KCTD16: variants seen among roughly 807,000 people sequenced by gnomAD.
The protein encoded by KCTD16 is potassium channel tetramerization domain containing 16, also known as BTB/POZ domain-containing protein KCTD16.
KCTD16 carries 13 observed loss-of-function variants against 33.2 expected under a neutral mutation model. That is an observed-to-expected ratio of 0.39 (90% confidence interval 0.25 to 0.62). The LOEUF (loss-of-function observed/expected upper bound fraction) is 0.62, where lower values mean the gene tolerates loss of function less well. KCTD16 is among the 20% of genes least tolerant of loss of function. The pLI is 0.50. For missense variants in KCTD16, 441 were observed against 525.1 expected (o/e 0.84, Z 1.57); for synonymous variants, 197 against 195.3 (o/e 1.01, Z -0.07).
chr5:144,371,796 C>T lies in KCTD16; in HGVS notation c.833-101864C>T, dbSNP rs569219441. Among the ~76,000 whole-genome samples the T allele has an allele frequency of 2.0e-5, 3 of 152,050 alleles. No homozygotes were observed. In the East Asian group the frequency reaches 5.8e-4, roughly 29 times the overall value. Reference sequence around the variant, plus strand: ...ATCAAAAACACTTCTGTTCCTTTCTCCTGTTATGCCATTTATGGGATAGCT... The same window carrying T: ...ATCAAAAACACTTCTGTTCCTTTCTTCTGTTATGCCATTTATGGGATAGCT... On this transcript the variant is annotated intron_variant, in intron 3 of 3. Transcript: ENST00000512467.
chr5:144,329,598 C>G (rs886264548), intron 3 of KCTD16, among the ~76,000 whole-genome samples: 2 of 152,036 alleles, frequency 1.3e-5, no homozygotes, highest in African/African-American at 2.4e-5. Context: ...TGTACCAAAA[C>G]AGCAACAGAT....
At chr5:144,207,718 G>A (rs937088899) in intron 3 of KCTD16, among the ~76,000 whole-genome samples, 172 bp downstream of exon 3, 8 of 152,108 alleles carry the variant, frequency 5.3e-5, no homozygotes, top group African/African-American at 1.7e-4. Context: ...CTAACCTAAG[G>A]CAACTTTTAT....
intron 3 of KCTD16, among the ~76,000 whole-genome samples, chr5:144,370,680 G>T (rs1049626766): frequency 2.0e-5 from 3 of 152,180 alleles, no homozygotes; most frequent in Non-Finnish European, 4.4e-5. Context: ...TAGGGAAAAG[G>T]TGTTGCAAAG....
chr5:144,242,642 T>G (rs1754436352), intron 3 of KCTD16, among the ~76,000 whole-genome samples: 1 of 152,164 alleles, frequency 6.6e-6, no homozygotes, highest in South Asian at 2.1e-4. Context: ...TTTGGCTGGT[T>G]GGAAAGTTTA....
intron 3 of KCTD16, among the ~76,000 whole-genome samples, chr5:144,278,090 C>A (rs1009120377): frequency 2.0e-5 from 3 of 152,076 alleles, no homozygotes; most frequent in African/African-American, 7.2e-5. Context: ...TCTAAGAACT[C>A]TTTGTCTAAC....
intron 3 of KCTD16, among the ~76,000 whole-genome samples, chr5:144,427,984 C>A (rs999607993): frequency 6.6e-6 from 1 of 152,070 alleles, no homozygotes; most frequent in Non-Finnish European, 1.5e-5. Context: ...AATAGCTTAG[C>A]ACAGTATCTG....
At chr5:144,360,094 CT>C (rs200068408) in intron 3 of KCTD16, among the ~76,000 whole-genome samples, 1 of 151,480 alleles carries the variant, frequency 6.6e-6, no homozygotes, top group South Asian at 2.1e-4. Flanking sequence ...GACCATCATT[CT>C]TTTTTTTTAA....
At chr5:144,224,383 GTTTTTTT>G (rs530446253) in intron 3 of KCTD16, among the ~76,000 whole-genome samples, 2 of 100,346 alleles carry the variant, frequency 2.0e-5, no homozygotes, top group African/African-American at 7.4e-5. Flanking sequence ...AATATAATGT[GTTTTTTT>G]TTTTTTTTTT....
chr5:144,194,117 A>G (rs1162330861), intron 2 of KCTD16, among the ~76,000 whole-genome samples: 1 of 152,216 alleles, frequency 6.6e-6, no homozygotes, highest in Non-Finnish European at 1.5e-5. Flanking sequence ...TGGTTCACCG[A>G]GACTGAATTA....
chr5:144,385,419 T>A (rs1041223217), intron 3 of KCTD16: 1 of 152,194 alleles, frequency 6.6e-6, no homozygotes, highest in Non-Finnish European at 1.5e-5. Flanking sequence ...CCATGGGGAT[T>A]TATTTTTCAT....
intron 3 of KCTD16, among the ~76,000 whole-genome samples, chr5:144,320,099 C>T (rs1752034366): frequency 1.3e-5 from 2 of 152,084 alleles, no homozygotes; most frequent in Admixed American, 1.3e-4. Flanking sequence ...TTGATTAAGT[C>T]TCACAACCTG....
chr5:144,283,072 A>G (rs1755650238), intron 3 of KCTD16, among the ~76,000 whole-genome samples: 1 of 152,040 alleles, frequency 6.6e-6, no homozygotes, highest in Admixed American at 6.6e-5. Context: ...ATTATACTTT[A>G]AGTTCTAGGG....
chr5:144,250,773 G>A (rs774297122), intron 3 of KCTD16, among the ~76,000 whole-genome samples: 5 of 151,960 alleles, frequency 3.3e-5, no homozygotes, highest in Non-Finnish European at 5.9e-5. Flanking sequence ...ATAACATTGG[G>A]CTAACAATAT....
At chr5:144,453,555 A>T (rs781117794) in intron 3 of KCTD16, among the ~76,000 whole-genome samples, 21 of 152,134 alleles carry the variant, frequency 1.4e-4, no homozygotes, top group Admixed American at 1.3e-4. Flanking sequence ...AATCTTGAGA[A>T]ATCTTAATTA....
At chr5:144,367,833 T>C (rs996353497) in intron 3 of KCTD16, among the ~76,000 whole-genome samples, 7 of 149,688 alleles carry the variant, frequency 4.7e-5, no homozygotes, top group African/African-American at 1.5e-4. Context: ...GTAGCCCCAG[T>C]GTTTATTGTT....
intron 3 of KCTD16, among the ~76,000 whole-genome samples, chr5:144,254,446 C>A (rs1223611890): frequency 6.6e-6 from 1 of 152,052 alleles, no homozygotes. Flanking sequence ...AAGCTGATCA[C>A]CCAACCAGAA....
At chr5:144,466,353 A>C (rs1167652291) in intron 3 of KCTD16, among the ~76,000 whole-genome samples, 1 of 151,830 alleles carries the variant, frequency 6.6e-6, no homozygotes, top group Non-Finnish European at 1.5e-5. Context: ...GATGTCCCAC[A>C]CATCAGGAAG....
intron 2 of KCTD16, among the ~76,000 whole-genome samples, chr5:144,192,912 T>C (rs1280336264): frequency 1.3e-5 from 2 of 152,196 alleles, no homozygotes; most frequent in Non-Finnish European, 2.9e-5. Context: ...CCAATTAAGA[T>C]ATCTGGGCAA....
At chr5:144,325,626 C>T (rs1333380529) in intron 3 of KCTD16, among the ~76,000 whole-genome samples, 1 of 152,092 alleles carries the variant, frequency 6.6e-6, no homozygotes, top group Non-Finnish European at 1.5e-5. Context: ...TTCGGCCTAG[C>T]TATTTATACT....
Sources: gnomAD v4.1 joint callset for allele counts (sites outside exome capture counted in the v4.1 genomes callset) on GRCh38, gnomAD v4.1.1 for gene constraint, MANE v1.5 for transcripts, NCBI Gene and HGNC (gene_info 2026-07-23, HGNC 2026-07-21) for gene names.